The following COL6A5 variants were observed in gnomAD, a reference collection of about 807,000 sequenced individuals.
COL6A5 encodes collagen alpha-5(VI) chain.
In COL6A5, 48 loss-of-function variants were observed where a neutral mutation model predicts 65.6. The observed-to-expected ratio is 0.73, with a 90% CI of 0.58 to 0.93. The LOEUF is 0.93. Among genes scored for constraint, COL6A5 ranks in the 40% least tolerant of loss-of-function variants. The pLI, the probability that COL6A5 is intolerant of heterozygous loss-of-function variation, is 0.00. For synonymous variants in COL6A5, 291 were observed against 322.8 expected, an observed-to-expected ratio of 0.90 and a Z score of 1.05; for missense variants, 914 against 928.3, an observed-to-expected ratio of 0.98 and a Z score of 0.20.
At chr3:130,413,712 C>A in intron 21 of COL6A5, 132 bp downstream of exon 21, 2 of 894,634 alleles carry the variant, frequency 2.2e-6, no homozygotes, top group Non-Finnish European at 3.5e-6. Context: ...TGGACGTGAT[C>A]CCCACTGACC....
At chr3:130,378,071 T>C (rs1384428711) in intron 3 of COL6A5, among the ~76,000 whole-genome samples, 1 of 152,176 alleles carries the variant, frequency 6.6e-6, no homozygotes, top group Non-Finnish European at 1.5e-5. Flanking sequence ...CTCTTGGCTA[T>C]GCTTTCCACA....
chr3:130,373,122 A>G (rs750222091), intron 1 of COL6A5, among the ~76,000 whole-genome samples: 2 of 152,200 alleles, frequency 1.3e-5, no homozygotes, highest in Non-Finnish European at 2.9e-5. Flanking sequence ...TTTTAAGCCA[A>G]ATTATAAACA....
chr3:130,441,825 A>G (rs1029167397), intron 3 of COL6A5, among the ~76,000 whole-genome samples: 4 of 152,220 alleles, frequency 2.6e-5, no homozygotes, highest in African/African-American at 4.8e-5. Flanking sequence ...CCAAAAGTCA[A>G]TAACACTGAT....
At chr3:130,389,538 A>C (rs771850786) in intron 6 of COL6A5, among the ~76,000 whole-genome samples, 6 of 151,574 alleles carry the variant, frequency 4.0e-5, no homozygotes, top group Non-Finnish European at 8.8e-5. Context: ...TCTTTTAGTT[A>C]AATTATATCT....
chr3:130,453,640 G>A (rs567553970), intron 4 of COL6A5, among the ~76,000 whole-genome samples: 1 of 152,198 alleles, frequency 6.6e-6, no homozygotes, highest in South Asian at 2.1e-4. Context: ...ATGAATCTTT[G>A]CCCTCAAACT....
At chr3:130,413,451 T>A in intron 20 of COL6A5, 94 bp from the exon 21 acceptor site, 1 of 1,176,328 alleles carries the variant, frequency 8.5e-7, no homozygotes, top group Non-Finnish European at 1.2e-6. Context: ...TGCTCATTAC[T>A]TATGTCTAGC....
intron 1 of COL6A5, among the ~76,000 whole-genome samples, chr3:130,370,433 T>C (rs1577436624): frequency 6.6e-6 from 1 of 151,854 alleles, no homozygotes; most frequent in East Asian, 2.0e-4. Flanking sequence ...GGATTGGGAG[T>C]GGTAGAGCCT....
chr3:130,391,817 C>A, intron 7 of COL6A5, 63 bp downstream of exon 7: 1 of 1,263,628 alleles, frequency 7.9e-7, no homozygotes, highest in Non-Finnish European at 1.1e-6. Flanking sequence ...AAAAGTAAAT[C>A]ATAAGTCTCA....
At chr3:130,436,801 T>G (rs1256826499) in intron 1 of COL6A5, among the ~76,000 whole-genome samples, 1 of 152,168 alleles carries the variant, frequency 6.6e-6, no homozygotes, top group Non-Finnish European at 1.5e-5. Context: ...GGCCTCAGAA[T>G]GTCGGTATTG....
At chr3:130,351,118 A>T (rs2107611735) in intron 1 of COL6A5, among the ~76,000 whole-genome samples, 1 of 152,368 alleles carries the variant, frequency 6.6e-6, no homozygotes, top group East Asian at 1.9e-4. Flanking sequence ...ATATGTAGAA[A>T]GCTGAAACTG....
intron 4 of COL6A5, among the ~76,000 whole-genome samples, chr3:130,451,689 G>A (rs1229545202): frequency 1.3e-5 from 2 of 152,042 alleles, no homozygotes; most frequent in African/African-American, 2.4e-5. Flanking sequence ...TAAGATCATC[G>A]GGGGTGACCG....
intron 7 of COL6A5, among the ~76,000 whole-genome samples, chr3:130,392,235 A>G (rs181399534): frequency 7.2e-5 from 11 of 152,312 alleles, no homozygotes; most frequent in Admixed American, 4.6e-4. Flanking sequence ...AGAGGCATCA[A>G]AATTCAAGTG....
intron 30 of COL6A5, 58 bp from the exon 31 acceptor site, chr3:130,426,309 T>A (rs911505616): frequency 5.8e-6 from 9 of 1,550,184 alleles, no homozygotes; most frequent in Non-Finnish European, 7.9e-6. Context: ...ATAAACACAG[T>A]TACTCAAAAG....
intron 17 of COL6A5, among the ~76,000 whole-genome samples, chr3:130,408,053 T>C (rs1454982578): frequency 6.6e-6 from 1 of 152,148 alleles, no homozygotes; most frequent in East Asian, 1.9e-4. Context: ...TTGTAAACCA[T>C]GTGTGTTTGA....
exon 4 of COL6A5, chr3:130,379,797 A>G (rs376706922): frequency 4.6e-4 from 712 of 1,551,416 alleles, no homozygotes; most frequent in Non-Finnish European, 2.0e-4. Flanking sequence ...CCCACAGACC[A>G]TCAGATGATG....
At chr3:130,348,246 C>T (rs1402384497) in intron 1 of COL6A5, among the ~76,000 whole-genome samples, 1 of 151,950 alleles carries the variant, frequency 6.6e-6, no homozygotes, top group East Asian at 1.9e-4. Flanking sequence ...ATGCATTAGG[C>T]ATTTGTCCTA....
chr3:130,348,910 T>G (rs887398788), intron 1 of COL6A5, among the ~76,000 whole-genome samples: 3 of 152,160 alleles, frequency 2.0e-5, no homozygotes, highest in African/African-American at 7.2e-5. Context: ...TGGCCACATA[T>G]CTTCTTTTGA....
intron 19 of COL6A5, 66 bp from the exon 20 acceptor site, chr3:130,410,405 C>A: frequency 8.6e-7 from 1 of 1,167,676 alleles, no homozygotes; most frequent in Non-Finnish European, 1.2e-6. Context: ...GGTTTTGATG[C>A]TGATGCCTTT....
intron 4 of COL6A5, among the ~76,000 whole-genome samples, chr3:130,444,080 T>G (rs1388428353): frequency 1.3e-5 from 2 of 152,190 alleles, no homozygotes; most frequent in Admixed American, 1.3e-4. Context: ...TTCAGCGATA[T>G]TTCTCCCATT....
Sources: gnomAD v4.1 joint callset for allele counts (sites outside exome capture counted in the v4.1 genomes callset) on GRCh38, gnomAD v4.1.1 for gene constraint, MANE v1.5 for transcripts, NCBI Gene and HGNC (gene_info 2026-07-23, HGNC 2026-07-21) for gene names.